The following UNK variants were observed in gnomAD, a reference collection of about 807,000 sequenced individuals.
UNK encodes RING finger protein unkempt homolog.
Under a neutral mutation model 97.6 loss-of-function variants are expected in UNK, and 32 were observed. The observed-to-expected ratio is 0.33, with a 90% CI of 0.25 to 0.44. The LOEUF is 0.44. UNK is among the 20% of genes least tolerant of loss of function. UNK has a pLI of 1.00. For synonymous variants in UNK, 441 were observed against 461.2 expected (o/e 0.96, Z 0.56); for missense variants, 771 against 1,098.4 (o/e 0.70, Z 4.21).
At chr17:75,788,143 C>G in intron 1 of UNK, among the ~76,000 whole-genome samples, 1 of 151,670 alleles carries the variant, frequency 6.6e-6, no homozygotes, top group Admixed American at 6.6e-5. Flanking sequence ...GAGATAGACC[C>G]CTTTTGAATA....
At position 75,817,520 on chromosome 17, in the gene UNK, A is replaced by G. The variant is rs781287421; in HGVS notation, c.1299A>G (p.Lys433=). The G allele has an allele frequency of 6.2e-7, 1 of 1,607,476 alleles. No individual in the cohort carries two copies. The highest frequency in any genetic ancestry group is 8.5e-7 in the Non-Finnish European group (1 of 1,176,236). ...GAGCCGAGTACCTGAAAAATTTCAA[A>G]TGCCAGGTAAGGGATGAGGGAGGCA... The part of the protein sequence containing the change: ...QVGAEYLKNF[K]CQAKLKPHSL... The change falls in exon 9 of 16, where the codon AAA becomes AAG. Residue 433 remains lysine (K), a synonymous_variant. Transcript: ENST00000589666. This position sits in a 1 kb window ranked among gnomAD's most constrained non-coding sequence, Gnocchi z 5.8.
chr17:75,798,650 C>T (rs1427430936), intron 1 of UNK, among the ~76,000 whole-genome samples: 1 of 151,946 alleles, frequency 6.6e-6, no homozygotes, highest in Admixed American at 6.6e-5. Context: ...CTGGCCGATA[C>T]CCAGCTTTTG....
intron 1 of UNK, among the ~76,000 whole-genome samples, chr17:75,788,365 A>G (rs2061732501): frequency 2.0e-5 from 3 of 152,090 alleles, no homozygotes; most frequent in Admixed American, 2.0e-4. Context: ...TTTTTAGTAG[A>G]GACAGGGTTT....
In UNK at chr17:75,812,291, G is replaced by T; in HGVS notation, c.491+3G>T. 6.2e-7 allele frequency: 1 copy of T among 1,609,344 alleles called. No individual in the cohort carries two copies. Among genetic ancestry groups the T allele is most frequent in the Non-Finnish European group, 8.5e-7 (1 of 1,176,892 alleles). ...CGCTCCCCTGTCTACGACATCAGGT[G>T]GGCTGGGTGCTGGGCTGGGCTGATG... On this transcript the variant is annotated splice_donor_region_variant and intron_variant, in intron 3 of 15. Transcript: ENST00000589666.
At chr17:75,798,171 A>G (rs1010371494) in intron 1 of UNK, among the ~76,000 whole-genome samples, 2 of 151,546 alleles carry the variant, frequency 1.3e-5, no homozygotes, top group African/African-American at 2.4e-5. Flanking sequence ...CCCGGGTTCA[A>G]GCGATTCTCC....
chr17:75,812,426 A>C (rs1428414650), intron 3 of UNK, 29 bp from the exon 4 acceptor site: 1 of 1,599,666 alleles, frequency 6.3e-7, no homozygotes, highest in Non-Finnish European at 8.5e-7. Context: ...CCCCCTCTCC[A>C]CCCTCTCTGT....
At chr17:75,787,414 C>T (rs2061722506) in intron 1 of UNK, among the ~76,000 whole-genome samples, 1 of 151,744 alleles carries the variant, frequency 6.6e-6, no homozygotes, top group South Asian at 2.1e-4. Flanking sequence ...CCATGTTGCC[C>T]AGCCTAGTCT....
At chr17:75,813,739 A>T (rs2061991292) in intron 5 of UNK, 22 bp from the exon 6 acceptor site, 1 of 1,554,398 alleles carries the variant, frequency 6.4e-7, no homozygotes, top group African/African-American at 1.4e-5. Context: ...TCTCCATCTG[A>T]CCCCACCCTC....
At chr17:75,820,638 T>C (rs2062058767) in intron 13 of UNK, among the ~76,000 whole-genome samples, 1 of 152,068 alleles carries the variant, frequency 6.6e-6, no homozygotes, top group Admixed American at 6.5e-5. Flanking sequence ...ATTAGAATGG[T>C]ATGGAATGGG....
chr17:75,793,275 CGTGA>C (rs2061778357), intron 1 of UNK, among the ~76,000 whole-genome samples: 1 of 152,072 alleles, frequency 6.6e-6, no homozygotes, highest in Admixed American at 6.6e-5. Context: ...CTTCAGGTAT[CGTGA>C]GTGTTTTAAG....
At chr17:75,792,345 A>G (rs1434363921) in intron 1 of UNK, 11 of 985,216 alleles carry the variant, frequency 1.1e-5, no homozygotes, top group African/African-American at 1.7e-5. Flanking sequence ...TTTTCCCACT[A>G]TCCGTATGCA....
chr17:75,821,140 C>T (rs2062064159), intron 13 of UNK: 7 of 289,444 alleles, frequency 2.4e-5, no homozygotes, highest in South Asian at 2.1e-4. Context: ...CAGCCTGGAA[C>T]TCCTGAGCTC....
chr17:75,793,578 TAAA>T lies in UNK; in HGVS notation c.104+8595_104+8597del, dbSNP rs1726309116. The T allele has an allele frequency of 1.4e-5, 14 of 985,212 alleles. No individual in the cohort carries two copies. In the South Asian group the frequency reaches 5.6e-4, roughly 40 times the overall value. 61.0% of individuals were successfully genotyped at this position (985,212 alleles called of 1,614,324 possible). On this transcript the variant is annotated intron_variant, in intron 1 of 15. Coordinates refer to ENST00000589666, the MANE Select transcript of UNK (RefSeq NM_001080419.3). Reference sequence around the variant, plus strand: ...TTGGTGGCTCAATTTCTTTAGGACATAAAGAAGATACTGAGGCCTGTGACAGCC... The same window carrying T: ...TTGGTGGCTCAATTTCTTTAGGACATGAAGATACTGAGGCCTGTGACAGCC...
intron 1 of UNK, among the ~76,000 whole-genome samples, chr17:75,804,091 C>G (rs768397440): frequency 2.0e-5 from 3 of 152,228 alleles, no homozygotes; most frequent in Non-Finnish European, 4.4e-5. Context: ...CACACATGTT[C>G]CAAATGCAGG....
In UNK at chr17:75,785,002, C is replaced by G. The variant is rs770635654; in HGVS notation, c.104+18C>G. On this transcript the variant is annotated intron_variant, in intron 1 of 15. Transcript: ENST00000589666. ...CACTACACGTACGTAGAGCCCCCCC[C>G]CCCCCGCCGCGCGCGCACGCCTGAC... is the stretch of plus-strand genomic sequence containing the variant. The G allele has an allele frequency of 1.9e-5, 26 of 1,400,688 alleles. No homozygotes were observed. The highest frequency in any genetic ancestry group is 4.7e-5 in the South Asian group (3 of 63,786). 86.8% of individuals were successfully genotyped at this position (1,400,688 alleles called of 1,614,324 possible). A position where few individuals can be genotyped will look rare whatever the true frequency, so the allele number is the denominator to read the frequency against.
intron 2 of UNK, among the ~76,000 whole-genome samples, chr17:75,811,253 A>T (rs1036761477): frequency 2.0e-5 from 3 of 152,106 alleles, no homozygotes; most frequent in African/African-American, 7.2e-5. Flanking sequence ...ACGCCTGGCC[A>T]TGATTTAAAA....
chr17:75,819,886 C>A lies in UNK; in HGVS notation c.1649-34C>A. 1 of 1,602,030 alleles carries A rather than the reference C, an allele frequency of 6.2e-7. No homozygotes were observed. Among genetic ancestry groups the A allele is most frequent in the Non-Finnish European group, 8.5e-7 (1 of 1,173,634 alleles). On this transcript the variant is annotated intron_variant, in intron 12 of 15. Transcript: ENST00000589666. The surrounding 1 kb of genome is among the most constrained non-coding windows in gnomAD (Gnocchi z 5.4). ...TGGCCCGCCTGGCTTCCGCTGCCCT[C>A]ACCCAGCCCGTCCTCCCCGGGCCTC...
At chr17:75,814,957 C>T (rs971513199) in intron 6 of UNK, among the ~76,000 whole-genome samples, 3 of 152,094 alleles carry the variant, frequency 2.0e-5, no homozygotes, top group South Asian at 2.1e-4. Context: ...GGCCCCAGAA[C>T]GGAGGCTGTC....
At chr17:75,796,735 T>C (rs983598267) in intron 1 of UNK, among the ~76,000 whole-genome samples, 1 of 152,236 alleles carries the variant, frequency 6.6e-6, no homozygotes, top group African/African-American at 2.4e-5. Flanking sequence ...AAATATGGAA[T>C]GTAGAACTGA....
Sources: gnomAD v4.1 joint callset for allele counts (sites outside exome capture counted in the v4.1 genomes callset) on GRCh38, gnomAD v4.1.1 for gene constraint, Gnocchi (gnomAD v3.1) non-coding constraint, MANE v1.5 for transcripts, NCBI Gene and HGNC (gene_info 2026-07-23, HGNC 2026-07-21) for gene names.